PCSK2: variants seen among roughly 807,000 people sequenced by gnomAD.
PCSK2 encodes the protein proprotein convertase subtilisin/kexin type 2.
In PCSK2, 14 loss-of-function variants were observed where a neutral mutation model predicts 69.7. That is an observed-to-expected ratio of 0.20 (90% CI 0.13 to 0.31). The LOEUF is 0.31. Among genes scored for constraint, PCSK2 ranks in the 10% least tolerant of loss-of-function variants. The pLI is 1.00. For synonymous variants in PCSK2, 307 were observed against 320.7 expected, an observed-to-expected ratio of 0.96 and a Z score of 0.46; for missense variants, 544 against 842.5, an observed-to-expected ratio of 0.65 and a Z score of 4.39.
chr20:17,239,281 A>G (rs1003723165), intron 1 of PCSK2, among the ~76,000 whole-genome samples: 1 of 152,178 alleles, frequency 6.6e-6, no homozygotes, highest in Non-Finnish European at 1.5e-5. Flanking sequence ...CAAACCCAAG[A>G]AGGTAGTTGA....
At position 17,484,064 on chromosome 20, in the gene PCSK2, G is replaced by C. The variant is rs1021566586; in HGVS notation, c.*1994G>C. On this transcript the variant is annotated 3_prime_UTR_variant, in exon 12 of 12. Transcript: ENST00000262545. The stretch of plus-strand genomic sequence containing the variant: ...TAAAAGAATATTCAGAGAATATCAA[G>C]ATGATTCTGGCTGAAAAAGGCCAGT... 6.6e-6 allele frequency: 1 copy of C among 152,444 alleles called. No individual in the cohort carries two copies. Among genetic ancestry groups the C allele is most frequent in the Non-Finnish European group, 1.5e-5 (1 of 68,006 alleles). 9.4% of individuals were successfully genotyped at this position (152,444 alleles called of 1,614,324 possible).
intron 5 of PCSK2, among the ~76,000 whole-genome samples, chr20:17,395,545 G>A (rs1203453620): frequency 6.6e-6 from 1 of 152,154 alleles, no homozygotes; most frequent in Non-Finnish European, 1.5e-5. Context: ...AAAACCTTGA[G>A]CAAATTACAT....
chr20:17,248,263 G>A (rs1986844674), intron 1 of PCSK2, among the ~76,000 whole-genome samples: 1 of 151,924 alleles, frequency 6.6e-6, no homozygotes, highest in Non-Finnish European at 1.5e-5. Context: ...CGCAGTATGA[G>A]AGGCTTCTTA....
intron 2 of PCSK2, among the ~76,000 whole-genome samples, chr20:17,332,791 G>A (rs1990238477): frequency 6.6e-6 from 1 of 152,088 alleles, no homozygotes; most frequent in African/African-American, 2.4e-5. Flanking sequence ...GAAGGTTGAT[G>A]GTTTTCACCG....
intron 4 of PCSK2, among the ~76,000 whole-genome samples, chr20:17,362,059 A>C (rs2030415046): frequency 6.6e-6 from 1 of 152,222 alleles, no homozygotes; most frequent in Non-Finnish European, 1.5e-5. Context: ...GTGGCACTAA[A>C]GTGCCAACAG....
intron 2 of PCSK2, among the ~76,000 whole-genome samples, chr20:17,297,233 C>G (rs1600462610): frequency 6.6e-6 from 1 of 152,206 alleles, no homozygotes; most frequent in African/African-American, 2.4e-5. Context: ...CGATACAGAA[C>G]AGTGCCAGAC....
intron 5 of PCSK2, among the ~76,000 whole-genome samples, chr20:17,399,958 A>T (rs1162113562): frequency 6.6e-6 from 1 of 152,254 alleles, no homozygotes; most frequent in Non-Finnish European, 1.5e-5. Flanking sequence ...CATTGAAATC[A>T]GGAGAATTAA....
At chr20:17,433,073 G>T (rs2032401897) in intron 7 of PCSK2, among the ~76,000 whole-genome samples, 1 of 152,136 alleles carries the variant, frequency 6.6e-6, no homozygotes, top group African/African-American at 2.4e-5. Context: ...AGGTGGGTTT[G>T]GTCCTATTCA....
intron 2 of PCSK2, among the ~76,000 whole-genome samples, chr20:17,346,371 A>G (rs1203050405): frequency 6.6e-6 from 1 of 152,124 alleles, no homozygotes; most frequent in Non-Finnish European, 1.5e-5. Flanking sequence ...TCACAGCTGG[A>G]GTGAAGAGGG....
intron 5 of PCSK2, among the ~76,000 whole-genome samples, chr20:17,387,670 A>G (rs2031271835): frequency 6.6e-6 from 1 of 152,184 alleles, no homozygotes; most frequent in Non-Finnish European, 1.5e-5. Flanking sequence ...CAATTTTGAA[A>G]TGTCCTATTG....
chr20:17,415,409 C>T (rs2031977308), intron 6 of PCSK2, among the ~76,000 whole-genome samples: 1 of 152,116 alleles, frequency 6.6e-6, no homozygotes, highest in East Asian at 1.9e-4. Context: ...AACAGAAAGT[C>T]AAATCATAAG....
intron 1 of PCSK2, among the ~76,000 whole-genome samples, chr20:17,228,852 C>T (rs949115155): frequency 3.9e-5 from 6 of 152,136 alleles, no homozygotes; most frequent in Non-Finnish European, 8.8e-5. Flanking sequence ...GCTCTGGGTC[C>T]GCCGGTGGCG....
At chr20:17,245,799 A>G (rs4813265) in intron 1 of PCSK2, among the ~76,000 whole-genome samples, 46,079 of 152,056 alleles carry the variant, frequency 0.3, 7,977 homozygotes, top group Middle Eastern at 0.46. Context: ...TTGGATCACA[A>G]ATTGAGTTTG....
chr20:17,226,821 T>C (rs1467017371), upstream of PCSK2, among the ~76,000 whole-genome samples: 1 of 123,810 alleles, frequency 8.1e-6, no homozygotes, highest in South Asian at 2.8e-4. Flanking sequence ...TGCGCTGCGC[T>C]GCGCCCCCAG....
At chr20:17,240,066 A>C (rs1986507109) in intron 1 of PCSK2, among the ~76,000 whole-genome samples, 1 of 151,560 alleles carries the variant, frequency 6.6e-6, no homozygotes, top group Non-Finnish European at 1.5e-5. Flanking sequence ...GTTGGCCAGG[A>C]TGGTCTCGAT....
intron 10 of PCSK2, among the ~76,000 whole-genome samples, 195 bp downstream of exon 10, chr20:17,456,643 A>C (rs912683927): frequency 3.3e-5 from 5 of 152,254 alleles, no homozygotes; most frequent in African/African-American, 1.2e-4. Flanking sequence ...ATACACACAC[A>C]CACGCACACA....
chr20:17,303,479 A>AATATAAT (rs1989190803), intron 2 of PCSK2, among the ~76,000 whole-genome samples: 3 of 44,658 alleles, frequency 6.7e-5, no homozygotes, highest in African/African-American at 2.5e-4. Flanking sequence ...TATTATATAT[A>AATATAAT]ATATATATTA....
At chr20:17,388,349 A>G (rs759008362) in intron 5 of PCSK2, among the ~76,000 whole-genome samples, 14 of 152,106 alleles carry the variant, frequency 9.2e-5, no homozygotes, top group Non-Finnish European at 1.9e-4. Context: ...GTGAACAAGA[A>G]AGGAGGCAGG....
chr20:17,243,288 A>G (rs1048713767), intron 1 of PCSK2, among the ~76,000 whole-genome samples: 2 of 151,942 alleles, frequency 1.3e-5, no homozygotes, highest in Non-Finnish European at 2.9e-5. Flanking sequence ...GCAGCCTCCA[A>G]CTCCTGGGCT....
Sources: gnomAD v4.1 joint callset for allele counts (sites outside exome capture counted in the v4.1 genomes callset) on GRCh38, gnomAD v4.1.1 for gene constraint, MANE v1.5 for transcripts, NCBI Gene and HGNC (gene_info 2026-07-23, HGNC 2026-07-21) for gene names.